The following SPARCL1 variants were observed in gnomAD, a reference collection of about 807,000 sequenced individuals.
SPARCL1 encodes the protein SPARC like 1, also known as SPARC-like protein 1.
SPARCL1 carries 52 observed loss-of-function variants against 67.1 expected under a neutral mutation model. That is an observed-to-expected ratio of 0.78 (90% confidence interval 0.62 to 0.98). The LOEUF is 0.98. SPARCL1 is among the 50% of genes least tolerant of loss of function. The pLI is 0.00. For synonymous variants in SPARCL1, 226 were observed against 267.8 expected, an observed-to-expected ratio of 0.84 and a Z score of 1.52; for missense variants, 717 against 782.4, an observed-to-expected ratio of 0.92 and a Z score of 1.00.
intron 10 of SPARCL1, 28 bp from the exon 11 acceptor site, chr4:87,473,831 A>G (rs1723449636): frequency 1.3e-6 from 2 of 1,561,192 alleles, no homozygotes; most frequent in East Asian, 4.5e-5. Context: ...GCAAAATGAC[A>G]CTTTTAGAAA....
chr4:87,510,277 C>T (rs1725292723), intron 1 of SPARCL1, among the ~76,000 whole-genome samples: 1 of 152,074 alleles, frequency 6.6e-6, no homozygotes, highest in African/African-American at 2.4e-5. Context: ...TTGATAGCAA[C>T]AGGAGGCAGA....
chr4:87,518,077 G>A (rs1725657578), intron 1 of SPARCL1, among the ~76,000 whole-genome samples: 1 of 152,198 alleles, frequency 6.6e-6, no homozygotes, highest in Admixed American at 6.5e-5. Context: ...GTGGTGCAAA[G>A]TTACTTATTA....
In SPARCL1 at chr4:87,490,386, C is replaced by T. The variant is rs773328159; in HGVS notation, c.1418G>A (p.Gly473Asp). The T allele has an allele frequency of 6.2e-7, 1 of 1,606,530 alleles. No individual in the cohort carries two copies. The highest frequency in any genetic ancestry group is 1.7e-5 in the Admixed American group (1 of 58,012). Reference protein sequence around the residue: ...PPTKPLDQVCGTDNQTYASSC... With the variant: ...PPTKPLDQVCDTDNQTYASSC... ...ACTAGCATAGGTCTGATTGTCAGTG[C>T]CACAAACCTATGGAAGATAAGTAGA... Residue 473 changes from glycine (G) to aspartate (D), a missense_variant, in exon 7 of 11, where the codon GGC becomes GAC. Transcript: ENST00000282470.
At chr4:87,513,635 A>G (rs559688225) in intron 1 of SPARCL1, among the ~76,000 whole-genome samples, 1 of 152,192 alleles carries the variant, frequency 6.6e-6, no homozygotes, top group African/African-American at 2.4e-5. Flanking sequence ...GCCTGTCATC[A>G]GTAATATCAT....
intron 1 of SPARCL1, among the ~76,000 whole-genome samples, chr4:87,513,699 T>A (rs1219473431): frequency 6.6e-6 from 1 of 152,202 alleles, no homozygotes; most frequent in Non-Finnish European, 1.5e-5. Flanking sequence ...AAGTGTGATA[T>A]AAGGGAAAAG....
rs1405624987 is a variant in SPARCL1, at chr4:87,473,357, A to C, written c.*418T>G. 6.5e-6 allele frequency: 1 copy of C among 153,646 alleles called. No homozygotes were observed. Among genetic ancestry groups the C allele is most frequent in the Non-Finnish European group, 1.4e-5 (1 of 69,046 alleles). 9.5% of individuals were successfully genotyped at this position (153,646 alleles called of 1,614,324 possible). On this transcript the variant is annotated 3_prime_UTR_variant, in exon 11 of 11. Coordinates refer to ENST00000282470, the MANE Select transcript of SPARCL1 (RefSeq NM_004684.6). ...GCATTTGGATTTTTATGGACTCTTT[A>C]TTAGGGTATTAAGATATTGAAAATA... is the stretch of plus-strand genomic sequence containing the variant.
chr4:87,493,640 C>T lies in SPARCL1; in HGVS notation c.1160G>A (p.Arg387Lys), dbSNP rs775150397. ...IAYHLKIEEQ[R>K]EKVHENENIG... is the part of the protein sequence containing the mutation. ...ATTTTCATTTTCATGTACTTTTTCT[C>T]TTTGCTCCTCAATTTTGAGGTGATA... Residue 387 changes from arginine to lysine, a missense_variant, in exon 4 of 11, where the codon AGA becomes AAA. By Grantham distance (26) the Arg-to-Lys change is conservative (BLOSUM62 2). Coordinates refer to ENST00000282470, the MANE Select transcript of SPARCL1 (RefSeq NM_004684.6). The T allele has an allele frequency of 2.5e-6, 4 of 1,613,668 alleles. No individual in the cohort carries two copies. Among genetic ancestry groups the T allele is most frequent in the Non-Finnish European group, 3.4e-6 (4 of 1,179,872 alleles).
rs55992030 is a variant in SPARCL1, at chr4:87,505,724, G to GGTTTTTTTTTTTTT, written c.-11-6140_-11-6139insAAAAAAAAAAAAAC. On this transcript the variant is annotated intron_variant, in intron 1 of 10. Coordinates refer to ENST00000282470, the MANE Select transcript of SPARCL1 (RefSeq NM_004684.6). Reference sequence around the variant, plus strand: ...TGCAAACTATTATGCTCAGCTAATTGTTTTTTTTTTTTTTTGTAGAGATGG... The same window carrying GGTTTTTTTTTTTTT: ...TGCAAACTATTATGCTCAGCTAATTGGTTTTTTTTTTTTTTTTTTTTTTTTTTTTGTAGAGATGG... 1.4e-5 allele frequency among the ~76,000 whole-genome samples: 2 copies of GGTTTTTTTTTTTTT among 141,112 alleles called. 1 individual carries two copies. The highest frequency in any genetic ancestry group is 5.2e-5 in the African/African-American group (2 of 38,330). 92.6% of individuals were successfully genotyped at this position (141,112 alleles called of 152,430 possible). A position where few individuals can be genotyped will look rare whatever the true frequency, so the allele number is the denominator to read the frequency against.
intron 2 of SPARCL1, among the ~76,000 whole-genome samples, chr4:87,499,156 G>A (rs1281349137): frequency 2.0e-5 from 3 of 152,142 alleles, no homozygotes; most frequent in Admixed American, 1.3e-4. Flanking sequence ...GATTACAGGC[G>A]TGAGCCACCG....
Position 87,490,383 on chromosome 4 carries a change from G to T in SPARCL1, c.1421C>A (p.Thr474Asn). 1 of 1,609,298 alleles carries T rather than the reference G, an allele frequency of 6.2e-7. No homozygotes were observed. Among genetic ancestry groups the T allele is most frequent in the Non-Finnish European group, 8.5e-7 (1 of 1,178,556 alleles). The change falls in exon 7 of 11, where the codon ACT becomes AAT. Residue 474 changes from threonine to asparagine, a missense_variant. By Grantham distance (65) the Thr-to-Asn change is moderately conservative (BLOSUM62 0). Transcript: ENST00000282470. Reference sequence around the variant, plus strand: ...GGAACTAGCATAGGTCTGATTGTCAGTGCCACAAACCTATGGAAGATAAGT... The same window carrying T: ...GGAACTAGCATAGGTCTGATTGTCATTGCCACAAACCTATGGAAGATAAGT... ...PTKPLDQVCG[T>N]DNQTYASSCH...
intron 9 of SPARCL1, among the ~76,000 whole-genome samples, chr4:87,479,801 C>G (rs73839663): frequency 0.026 from 4,005 of 152,286 alleles, 181 homozygotes; most frequent in African/African-American, 0.091. Context: ...CTGTCCTTCC[C>G]CCACCCTAAA....
intron 1 of SPARCL1, among the ~76,000 whole-genome samples, chr4:87,514,255 T>C (rs1560452680): frequency 6.6e-6 from 1 of 152,244 alleles, no homozygotes; most frequent in Non-Finnish European, 1.5e-5. Flanking sequence ...TATGTTCACA[T>C]TGTTCTTAAC....
Position 87,473,800 on chromosome 4 carries a change from T to A in SPARCL1, c.1970A>T (p.Asp657Val). 6.2e-7 allele frequency: 1 copy of A among 1,606,698 alleles called. No individual in the cohort carries two copies. The highest frequency in any genetic ancestry group is 8.5e-7 in the Non-Finnish European group (1 of 1,174,938). ...WGHCFGIKEE[D>V]IDENLLF is the part of the protein sequence containing the mutation. ...TCAAAACAAGAGATTTTCATCTATG[T>A]CCTCTATAAAAAAACAAGAAGCAAA... Residue 657 changes from aspartate to valine, a missense_variant, in exon 11 of 11, where the codon GAC becomes GTC. Coordinates refer to ENST00000282470, the MANE Select transcript of SPARCL1 (RefSeq NM_004684.6).
In SPARCL1 at chr4:87,528,440, A is replaced by G. The variant is rs1363829858; in HGVS notation, c.-12+605T>C. On this transcript the variant is annotated intron_variant, in intron 1 of 10. Transcript: ENST00000282470. ...GAGCATCTTAACAAATGATAGTAGG[A>G]GGCAAAAAATAATTAGTTATAAAGC... 2.0e-5 allele frequency: 3 copies of G among 152,312 alleles called. No individual in the cohort carries two copies. In the South Asian group the frequency reaches 6.2e-4, roughly 32 times the overall value. 9.4% of individuals were successfully genotyped at this position (152,312 alleles called of 1,614,324 possible). A position where few individuals can be genotyped will look rare whatever the true frequency, so the allele number is the denominator to read the frequency against.
intron 1 of SPARCL1, among the ~76,000 whole-genome samples, chr4:87,503,515 C>G (rs1422787294): frequency 6.6e-6 from 1 of 152,162 alleles, no homozygotes; most frequent in Non-Finnish European, 1.5e-5. Flanking sequence ...GGAGTGGCAA[C>G]ATATGTATAT....
At chr4:87,494,710 C>T (rs1724544744) in intron 3 of SPARCL1, 112 bp from the exon 4 acceptor site, 1 of 968,280 alleles carries the variant, frequency 1.0e-6, no homozygotes, top group Non-Finnish European at 1.5e-6. Context: ...ATCATGTAAA[C>T]ATGTTTATAA....
chr4:87,480,547 C>T (rs771723969), intron 8 of SPARCL1, 27 bp from the exon 9 acceptor site: 2 of 1,592,050 alleles, frequency 1.3e-6, no homozygotes, highest in African/African-American at 2.7e-5. Flanking sequence ...AGAAGACTGT[C>T]AGAGAATCAG....
intron 1 of SPARCL1, among the ~76,000 whole-genome samples, chr4:87,524,521 T>C (rs556366846): frequency 6.6e-6 from 1 of 152,314 alleles, no homozygotes. Flanking sequence ...GAATGGAAAC[T>C]CACCAGATCA....
intron 2 of SPARCL1, 42 bp downstream of exon 2, chr4:87,499,479 G>T (rs765502532): frequency 6.7e-7 from 1 of 1,481,888 alleles, no homozygotes; most frequent in Non-Finnish European, 9.4e-7. Flanking sequence ...TGCATTAAAT[G>T]TCAGGAGAAA....
Sources: gnomAD v4.1 joint callset for allele counts (sites outside exome capture counted in the v4.1 genomes callset) on GRCh38, gnomAD v4.1.1 for gene constraint, MANE v1.5 for transcripts, NCBI Gene and HGNC (gene_info 2026-07-23, HGNC 2026-07-21) for gene names.